CREB3L1: variants seen among roughly 807,000 people sequenced by gnomAD.
The protein encoded by CREB3L1 is cAMP responsive element binding protein 3 like 1.
Under a neutral mutation model 54.5 loss-of-function variants are expected in CREB3L1, and 33 were observed. The ratio of observed to expected loss-of-function variants is 0.61; its 90% CI spans 0.46 to 0.81. The LOEUF is 0.81. CREB3L1 is among the 30% of genes least tolerant of loss of function. The probability of loss-of-function intolerance (pLI) is 0.00; values close to 1 mark genes in which losing one functional copy is unlikely to be tolerated. For missense variants in CREB3L1, 656 were observed against 673.3 expected, an observed-to-expected ratio of 0.97 and a Z score of 0.29; for synonymous variants, 284 against 286.4, an observed-to-expected ratio of 0.99 and a Z score of 0.08.
intron 1 of CREB3L1, among the ~76,000 whole-genome samples, chr11:46,287,621 C>A (rs1439347676): frequency 6.6e-6 from 1 of 151,992 alleles, no homozygotes; most frequent in African/African-American, 2.4e-5. Context: ...TTTGTGGGTA[C>A]ATAGTAGGTT....
In CREB3L1 at chr11:46,320,728, C is replaced by T. The variant is rs1348162682; in HGVS notation, c.1542C>T (p.Thr514=). 1.2e-6 allele frequency: 2 copies of T among 1,612,270 alleles called. No individual in the cohort carries two copies. The highest frequency in any genetic ancestry group is 1.7e-6 in the Non-Finnish European group (2 of 1,179,272). ...TCTCCAGGGATCTGGGCCCCAACACCACCATCAAACTCTCCTAGGCCATGC... is the reference window on the plus strand; with the variant it reads ...TCTCCAGGGATCTGGGCCCCAACACTACCATCAAACTCTCCTAGGCCATGC... ...WFHDRDLGPN[T]TIKLS Residue 514 remains threonine (T), a synonymous_variant, in exon 12 of 12, where the codon ACC becomes ACT. Coordinates refer to ENST00000621158, the MANE Select transcript of CREB3L1 (RefSeq NM_052854.4).
intron 9 of CREB3L1, 97 bp from the exon 10 acceptor site, chr11:46,317,264 C>T: frequency 6.6e-7 from 1 of 1,520,018 alleles, no homozygotes. Flanking sequence ...AACGCTAAGA[C>T]TTTTGTGCCT....
intron 2 of CREB3L1, among the ~76,000 whole-genome samples, chr11:46,303,567 C>A (rs1939332994): frequency 6.6e-6 from 1 of 152,082 alleles, no homozygotes; most frequent in South Asian, 2.1e-4. Flanking sequence ...TCGCTTGAAC[C>A]CAGGAAGCGG....
chr11:46,300,284 C>T (rs1433409249), intron 2 of CREB3L1, 121 bp downstream of exon 2: 1 of 715,344 alleles, frequency 1.4e-6, no homozygotes, highest in South Asian at 1.8e-5. Flanking sequence ...AGAGGAGCCA[C>T]CACAAACCCC....
intron 2 of CREB3L1, among the ~76,000 whole-genome samples, chr11:46,304,122 A>C (rs1228351985): frequency 6.6e-6 from 1 of 152,210 alleles, no homozygotes; most frequent in Admixed American, 6.5e-5. Flanking sequence ...TAATTTTCTC[A>C]CTTGTTAAAT....
chr11:46,279,899 C>A lies in CREB3L1; in HGVS notation c.102+1686C>A, dbSNP rs1010854742. Among the ~76,000 whole-genome samples, 10 of 152,328 alleles carry A rather than the reference C, an allele frequency of 6.6e-5. No homozygotes were observed. The South Asian group carries it at 1.4e-3, about 22-fold the overall frequency. The stretch of plus-strand genomic sequence containing the variant: ...CCTGCTGCTCCATTCAGCCCTGCAT[C>A]CCCAGCTGCTTATCTGGGCCTTGGT... On this transcript the variant is annotated intron_variant, in intron 1 of 11. Coordinates refer to ENST00000621158, the MANE Select transcript of CREB3L1 (RefSeq NM_052854.4).
intron 10 of CREB3L1, among the ~76,000 whole-genome samples, chr11:46,319,351 G>C (rs1939613530): frequency 6.6e-6 from 1 of 152,182 alleles, no homozygotes; most frequent in African/African-American, 2.4e-5. Context: ...TCCCTTCAGG[G>C]AGGACAATTT....
chr11:46,313,454 A>AG (rs1304864858), intron 8 of CREB3L1, among the ~76,000 whole-genome samples: 3 of 152,100 alleles, frequency 2.0e-5, no homozygotes, highest in East Asian at 3.8e-4. Context: ...TGGGAGGATG[A>AG]GGGGGGTGGA....
Position 46,320,958 on chromosome 11 carries a change from A to C in CREB3L1, c.*212A>C. 1 of 688,930 alleles carries C rather than the reference A, an allele frequency of 1.5e-6. No individual in the cohort carries two copies. Among genetic ancestry groups the C allele is most frequent in the Non-Finnish European group, 2.7e-6 (1 of 377,196 alleles). The allele number at this position is 688,930 out of a possible 1,614,324, so 42.7% of individuals were successfully genotyped here. ...CTCATTCTCCTTCCCACCAACATCC[A>C]TCCGTCCTTCTCAGACAAACCACTC... On this transcript the variant is annotated 3_prime_UTR_variant, in exon 12 of 12. Coordinates refer to ENST00000621158, the MANE Select transcript of CREB3L1 (RefSeq NM_052854.4).
At chr11:46,312,799 T>C (rs1939511583) in intron 7 of CREB3L1, 52 bp from the exon 8 acceptor site, 1 of 1,554,360 alleles carries the variant, frequency 6.4e-7, no homozygotes, top group Non-Finnish European at 8.7e-7. Context: ...GCCGAGGAGC[T>C]GTTGTGAGTC....
At chr11:46,282,069 C>T (rs1938984994) in intron 1 of CREB3L1, among the ~76,000 whole-genome samples, 2 of 152,110 alleles carry the variant, frequency 1.3e-5, no homozygotes, top group African/African-American at 4.8e-5. Flanking sequence ...GAGTCAGGGG[C>T]TTGGTCTGTC....
chr11:46,315,389 C>A (rs1939552795), intron 8 of CREB3L1: 1 of 216,096 alleles, frequency 4.6e-6, no homozygotes, highest in Non-Finnish European at 9.3e-6. Context: ...GCCCACCAAG[C>A]CTGTGCTGAA....
intron 1 of CREB3L1, among the ~76,000 whole-genome samples, chr11:46,284,809 T>C (rs1389086278): frequency 6.6e-6 from 1 of 152,212 alleles, no homozygotes; most frequent in Non-Finnish European, 1.5e-5. Context: ...AAGCAAGTTC[T>C]CTCATTGTTC....
At position 46,304,726 on chromosome 11, in the gene CREB3L1, G is replaced by A. The variant is rs571217864; in HGVS notation, c.332-3090G>A. On this transcript the variant is annotated intron_variant, in intron 2 of 11. Transcript: ENST00000621158. ...GGGCAGGGTGACAGGGTCTTACTCT[G>A]TCACCCAGGCTAGAGTACGGTGTTG... Among the ~76,000 whole-genome samples, 3 of 151,806 alleles carry A rather than the reference G, an allele frequency of 2.0e-5. No individual in the cohort carries two copies. In the South Asian group the frequency reaches 6.2e-4, roughly 32 times the overall value.
intron 2 of CREB3L1, among the ~76,000 whole-genome samples, chr11:46,305,762 G>A (rs1939386642): frequency 6.9e-6 from 1 of 145,730 alleles, no homozygotes; most frequent in Non-Finnish European, 1.5e-5. Context: ...TTTTAAGACG[G>A]AGTCTCGCTC....
At chr11:46,316,639 G>A (rs1409507443) in intron 9 of CREB3L1, among the ~76,000 whole-genome samples, 2 of 151,272 alleles carry the variant, frequency 1.3e-5, no homozygotes, top group African/African-American at 4.9e-5. Context: ...AGTGGCCCCA[G>A]CTAGGGGACA....
At chr11:46,303,593 G>T (rs972103137) in intron 2 of CREB3L1, among the ~76,000 whole-genome samples, 1 of 152,124 alleles carries the variant, frequency 6.6e-6, no homozygotes, top group Non-Finnish European at 1.5e-5. Flanking sequence ...GCAGTGAGCC[G>T]AAATCATGCT....
chr11:46,293,054 T>G (rs187716375), intron 1 of CREB3L1, among the ~76,000 whole-genome samples: 1 of 152,244 alleles, frequency 6.6e-6, no homozygotes, highest in Non-Finnish European at 1.5e-5. Flanking sequence ...CTTGTTCATC[T>G]CTGTATCCAC....
Position 46,319,205 on chromosome 11 carries a change from C to T in CREB3L1, c.1259-1059C>T, listed in dbSNP as rs187716697. On this transcript the variant is annotated intron_variant, in intron 10 of 11. Transcript: ENST00000621158. Reference sequence around the variant, plus strand: ...AAGACACATCCCAGCAGGCAGATGGCTTTGGAGCAGGCTGGTTTGCAGAGC... The same window carrying T: ...AAGACACATCCCAGCAGGCAGATGGTTTTGGAGCAGGCTGGTTTGCAGAGC... Among the ~76,000 whole-genome samples the T allele has an allele frequency of 6.6e-5, 10 of 152,332 alleles. 1 individual carries two copies. Among genetic ancestry groups the T allele is most frequent in the Admixed American group, 5.2e-4 (8 of 15,306 alleles).
Sources: allele counts gnomAD v4.1 joint callset (sites outside exome capture counted in the v4.1 genomes callset), GRCh38; gene constraint gnomAD v4.1.1; transcripts MANE v1.5; gene names NCBI Gene and HGNC (gene_info 2026-07-23, HGNC 2026-07-21).